EIF4E: variants seen among roughly 807,000 people sequenced by gnomAD.
EIF4E encodes the protein eIF-4F 25 kDa subunit.
For missense variants in EIF4E, 113 were observed against 265.6 expected, an observed-to-expected ratio of 0.43 and a Z score of 3.99; for synonymous variants, 71 against 88.5, an observed-to-expected ratio of 0.80 and a Z score of 1.11.
At chr4:98,902,122 G>A (rs1724679606) in intron 1 of EIF4E, 140 bp from the exon 2 acceptor site, 1 of 683,140 alleles carries the variant, frequency 1.5e-6, no homozygotes, top group South Asian at 1.8e-5. Context: ...AGGCTGGAGT[G>A]CAGTCGTGCG....
chr4:98,891,190 A>G, intron 3 of EIF4E, 47 bp downstream of exon 3: 3 of 1,594,362 alleles, frequency 1.9e-6, no homozygotes, highest in Non-Finnish European at 2.6e-6. Context: ...TAAAAAAACT[A>G]CACAACGAAT....
intron 1 of EIF4E, among the ~76,000 whole-genome samples, chr4:98,927,336 AAG>A (rs1256260507): frequency 6.6e-6 from 1 of 152,200 alleles, no homozygotes; most frequent in Non-Finnish European, 1.5e-5. Flanking sequence ...TGTAGTCTAT[AAG>A]AGTTTTTGAA....
intron 1 of EIF4E, among the ~76,000 whole-genome samples, chr4:98,910,166 GT>G (rs2110208295): frequency 6.6e-6 from 1 of 152,236 alleles, no homozygotes; most frequent in African/African-American, 2.4e-5. Flanking sequence ...AAGTGTGGCT[GT>G]GGATTTTGCA....
At chr4:98,896,224 A>AAAATAAAATAAAATAAAATAAAAT (rs552444898) in intron 2 of EIF4E, among the ~76,000 whole-genome samples, 1 of 145,984 alleles carries the variant, frequency 6.9e-6, no homozygotes, top group African/African-American at 2.8e-5. Context: ...AAAATAAAAT[A>AAAATAAAATAAAATAAAATAAAAT]AGCTAGGCAT....
At chr4:98,892,349 A>T (rs1724182863) in intron 2 of EIF4E, among the ~76,000 whole-genome samples, 8 of 149,616 alleles carry the variant, frequency 5.3e-5, no homozygotes, top group Admixed American at 5.3e-4. Flanking sequence ...ACAAAAAAAA[A>T]AAACAAAAAA....
At chr4:98,895,820 G>A (rs1724355487) in intron 2 of EIF4E, among the ~76,000 whole-genome samples, 1 of 152,196 alleles carries the variant, frequency 6.6e-6, no homozygotes, top group Admixed American at 6.5e-5. Context: ...GGAGGCTGAG[G>A]CAGGAGGATC....
chr4:98,909,434 A>C (rs1725012449), intron 1 of EIF4E: 1 of 479,996 alleles, frequency 2.1e-6, no homozygotes, highest in African/African-American at 2.0e-5. Context: ...TCACATAAAA[A>C]GAATCACGTT....
At chr4:98,928,411 C>T (rs1721314438) in intron 1 of EIF4E, among the ~76,000 whole-genome samples, 1 of 152,228 alleles carries the variant, frequency 6.6e-6, no homozygotes, top group South Asian at 2.1e-4. Context: ...TCCTTCCCAC[C>T]CCAGACCTTT....
intron 1 of EIF4E, among the ~76,000 whole-genome samples, chr4:98,908,021 T>C (rs1406478112): frequency 1.3e-5 from 2 of 152,170 alleles, no homozygotes; most frequent in Non-Finnish European, 2.9e-5. Flanking sequence ...GAAAAAATTT[T>C]AAGAACAATA....
At chr4:98,914,801 G>A (rs757723160) in intron 1 of EIF4E, among the ~76,000 whole-genome samples, 1 of 152,118 alleles carries the variant, frequency 6.6e-6, no homozygotes, top group Non-Finnish European at 1.5e-5. Flanking sequence ...CGTCAATTTA[G>A]GTTCATCAAT....
chr4:98,895,198 G>A (rs34164768), intron 2 of EIF4E: 36,601 of 152,012 alleles, frequency 0.24, 4,788 homozygotes, highest in Non-Finnish European at 0.28. Flanking sequence ...GTGACACAGA[G>A]ACACCAAGTG....
At chr4:98,903,247 A>G (rs927770865) in intron 1 of EIF4E, among the ~76,000 whole-genome samples, 1 of 152,234 alleles carries the variant, frequency 6.6e-6, no homozygotes, top group Non-Finnish European at 1.5e-5. Context: ...ATCAGACTGA[A>G]GCAGCAAACA....
In EIF4E at chr4:98,885,653, T is replaced by C. The variant is rs1285021395; in HGVS notation, c.400-592A>G. On this transcript the variant is annotated intron_variant, in intron 5 of 6. Coordinates refer to ENST00000450253, the MANE Select transcript of EIF4E (RefSeq NM_001968.5). ...TTTTTGTAGAGACAGGGTTTTGCCA[T>C]GTTGCCCAAACTGGTCTTGAACTCC... 2.0e-5 allele frequency among the ~76,000 whole-genome samples: 3 copies of C among 152,294 alleles called. No homozygotes were observed. In the East Asian group the frequency reaches 5.8e-4, roughly 29 times the overall value.
intron 1 of EIF4E, among the ~76,000 whole-genome samples, chr4:98,908,089 A>C (rs1407176535): frequency 1.3e-5 from 2 of 152,174 alleles, no homozygotes; most frequent in South Asian, 2.1e-4. Context: ...GTGGTAACCT[A>C]AACTACCTAG....
chr4:98,916,988 T>C (rs913432004), intron 1 of EIF4E, among the ~76,000 whole-genome samples: 1 of 151,914 alleles, frequency 6.6e-6, no homozygotes, highest in African/African-American at 2.4e-5. Flanking sequence ...GCAGTCCAGA[T>C]TGGAGCAATG....
At chr4:98,884,553 A>T (rs559440171) in intron 6 of EIF4E, among the ~76,000 whole-genome samples, 1 of 152,152 alleles carries the variant, frequency 6.6e-6, no homozygotes, top group South Asian at 2.1e-4. Context: ...AAAATATAAA[A>T]ATTACCCAAG....
At chr4:98,918,976 A>G (rs1725526816) in intron 1 of EIF4E, among the ~76,000 whole-genome samples, 1 of 152,188 alleles carries the variant, frequency 6.6e-6, no homozygotes, top group Non-Finnish European at 1.5e-5. Context: ...TGAGTTTTGA[A>G]CACTGTAAAG....
intron 1 of EIF4E, among the ~76,000 whole-genome samples, chr4:98,918,689 G>A (rs1725511500): frequency 6.6e-6 from 1 of 152,086 alleles, no homozygotes. Flanking sequence ...AAATAATTAT[G>A]TTAAAACCAA....
intron 1 of EIF4E, among the ~76,000 whole-genome samples, chr4:98,902,342 T>C (rs1198371037): frequency 6.6e-6 from 1 of 152,232 alleles, no homozygotes; most frequent in Non-Finnish European, 1.5e-5. Context: ...AGTGCTGGGA[T>C]TACAGGCGTG....
Sources: allele counts gnomAD v4.1 joint callset (sites outside exome capture counted in the v4.1 genomes callset), GRCh38; gene constraint gnomAD v4.1.1; transcripts MANE v1.5; gene names NCBI Gene and HGNC (gene_info 2026-07-23, HGNC 2026-07-21).